Variants in KCNQ3 observed in about 807,000 individuals in gnomAD.
The protein encoded by KCNQ3 is potassium voltage-gated channel subfamily KQT member 3.
Under a neutral mutation model 92.5 loss-of-function variants are expected in KCNQ3, and 30 were observed. That is an observed-to-expected ratio of 0.32 (90% CI 0.24 to 0.44). The LOEUF (loss-of-function observed/expected upper bound fraction) is 0.44, where lower values mean the gene tolerates loss of function less well. Among genes scored for constraint, KCNQ3 ranks in the 20% least tolerant of loss-of-function variants. The pLI is 1.00. For missense variants in KCNQ3, 913 were observed against 1,140.3 expected (o/e 0.80, Z 2.87); for synonymous variants, 450 against 468.8 (o/e 0.96, Z 0.52).
intron 1 of KCNQ3, among the ~76,000 whole-genome samples, chr8:132,386,154 T>C (rs1455541465): frequency 2.0e-5 from 3 of 152,060 alleles, no homozygotes; most frequent in Non-Finnish European, 4.4e-5. Flanking sequence ...GGAAAAGAAA[T>C]GACATTTCAC....
chr8:132,419,761 A>G (rs1820916115), intron 1 of KCNQ3, among the ~76,000 whole-genome samples: 1 of 152,238 alleles, frequency 6.6e-6, no homozygotes, highest in Non-Finnish European at 1.5e-5. Flanking sequence ...CTGAGGCTCA[A>G]AAATCCCGAA....
At chr8:132,228,362 T>C (rs1008525892) in intron 1 of KCNQ3, among the ~76,000 whole-genome samples, 1 of 152,016 alleles carries the variant, frequency 6.6e-6, no homozygotes, top group African/African-American at 2.4e-5. Context: ...ATCCATTCAC[T>C]GAGTTATTGA....
chr8:132,186,905 TGC>T (rs1826973339), intron 1 of KCNQ3, among the ~76,000 whole-genome samples: 1 of 109,478 alleles, frequency 9.1e-6, no homozygotes, highest in African/African-American at 4.3e-5. Flanking sequence ...AACTGTGAGG[TGC>T]GTGTGTGTGT....
At chr8:132,140,702 A>G (rs1214023777) in intron 10 of KCNQ3, 6 of 260,166 alleles carry the variant, frequency 2.3e-5, no homozygotes, top group Non-Finnish European at 3.0e-5. Flanking sequence ...CTCCCTTTGC[A>G]TAAGTAAAAG....
At chr8:132,456,686 C>G (rs2130854667) in intron 1 of KCNQ3, among the ~76,000 whole-genome samples, 1 of 152,054 alleles carries the variant, frequency 6.6e-6, no homozygotes, top group Non-Finnish European at 1.5e-5. Context: ...TGGCAGCTCA[C>G]TGCAAAACTC....
intron 1 of KCNQ3, among the ~76,000 whole-genome samples, chr8:132,298,778 G>A (rs1414851960): frequency 3.3e-5 from 5 of 151,882 alleles, no homozygotes; most frequent in South Asian, 2.1e-4. Context: ...GCATGGTGGC[G>A]GGCACCTGTA....
intron 1 of KCNQ3, among the ~76,000 whole-genome samples, chr8:132,397,540 G>GA (rs924276044): frequency 5.3e-5 from 8 of 152,208 alleles, no homozygotes; most frequent in Non-Finnish European, 1.2e-4. Context: ...GTACAAAGTA[G>GA]ATGCTCATGA....
Position 132,132,222 on chromosome 8 carries a change from T to G in KCNQ3, c.1842A>C (p.Glu614Asp). ...CAAACTTCCCCATCATGCTTTGGTC[T>G]TCGATTTCTGATGTGGATGGTCTGG... ...YVARPSTSEIEDQSMMGKFVK... is the reference protein window; with the variant it reads ...YVARPSTSEIDDQSMMGKFVK... The change falls in exon 14 of 15, where the codon GAA becomes GAC. Residue 614 changes from glutamate to aspartate, a missense_variant. Around this residue, in one of 6 missense-constraint regions of KCNQ3, gnomAD observed 375 missense variants for 376.4 expected, o/e 1.00. Transcript: ENST00000388996. 1 of 1,613,974 alleles carries G rather than the reference T, an allele frequency of 6.2e-7. No homozygotes were observed. Among genetic ancestry groups the G allele is most frequent in the Non-Finnish European group, 8.5e-7 (1 of 1,179,784 alleles).
At chr8:132,199,440 G>A (rs1460803624) in intron 1 of KCNQ3, among the ~76,000 whole-genome samples, 4 of 152,148 alleles carry the variant, frequency 2.6e-5, no homozygotes, top group African/African-American at 9.7e-5. Context: ...GTTTTTTAAA[G>A]ACAAAGTACT....
chr8:132,194,514 GGA>G (rs1239660217), intron 1 of KCNQ3, among the ~76,000 whole-genome samples: 2 of 152,198 alleles, frequency 1.3e-5, no homozygotes, highest in Non-Finnish European at 2.9e-5. Context: ...AAACCCACTA[GGA>G]TGGATTGGTT....
intron 4 of KCNQ3, among the ~76,000 whole-genome samples, chr8:132,177,380 G>T (rs1173953264): frequency 6.6e-6 from 1 of 152,186 alleles, no homozygotes; most frequent in African/African-American, 2.4e-5. Flanking sequence ...TCCTCTACCT[G>T]CTGAGGCTCC....
At chr8:132,434,052 T>TA (rs1801743310) in intron 1 of KCNQ3, among the ~76,000 whole-genome samples, 1 of 151,242 alleles carries the variant, frequency 6.6e-6, no homozygotes, top group African/African-American at 2.4e-5. Context: ...ACTAAAAATA[T>TA]AAAAAATTAG....
chr8:132,244,203 T>C (rs557108216), intron 1 of KCNQ3, among the ~76,000 whole-genome samples: 5 of 152,368 alleles, frequency 3.3e-5, no homozygotes, highest in East Asian at 3.9e-4. Flanking sequence ...AATGACTATC[T>C]TTCATGAACT....
At chr8:132,463,179 G>T (rs568915590) in intron 1 of KCNQ3, among the ~76,000 whole-genome samples, 2 of 152,270 alleles carry the variant, frequency 1.3e-5, no homozygotes, top group South Asian at 4.1e-4. Flanking sequence ...GCTTCAGTTG[G>T]CAACTTCATT....
intron 1 of KCNQ3, among the ~76,000 whole-genome samples, chr8:132,369,027 T>TG: frequency 6.6e-6 from 1 of 152,348 alleles, no homozygotes; most frequent in South Asian, 2.1e-4. Context: ...TTGATGACCC[T>TG]GACAGTTTTG....
chr8:132,205,666 C>T (rs1021170947), intron 1 of KCNQ3, among the ~76,000 whole-genome samples: 3 of 152,162 alleles, frequency 2.0e-5, no homozygotes, highest in African/African-American at 7.2e-5. Flanking sequence ...TAGCCCTAGC[C>T]TCCTTATTTG....
At chr8:132,420,191 C>T (rs1275062047) in intron 1 of KCNQ3, among the ~76,000 whole-genome samples, 1 of 152,116 alleles carries the variant, frequency 6.6e-6, no homozygotes, top group Non-Finnish European at 1.5e-5. Flanking sequence ...GCACTAATCC[C>T]ATTCTTGAAG....
intron 1 of KCNQ3, among the ~76,000 whole-genome samples, chr8:132,216,124 A>G (rs1271025190): frequency 6.6e-6 from 1 of 152,186 alleles, no homozygotes; most frequent in Admixed American, 6.5e-5. Context: ...GCCACAGAAT[A>G]GGGGCCTAGA....
intron 1 of KCNQ3, among the ~76,000 whole-genome samples, chr8:132,292,118 C>T (rs1359163229): frequency 6.6e-6 from 1 of 152,158 alleles, no homozygotes; most frequent in Non-Finnish European, 1.5e-5. Context: ...CCTATTACTA[C>T]TTGAAGTGAT....
Sources: allele counts gnomAD v4.1 joint callset (sites outside exome capture counted in the v4.1 genomes callset), GRCh38; gene constraint gnomAD v4.1.1; regional missense constraint gnomAD v4.1.1; transcripts MANE v1.5; gene names NCBI Gene and HGNC (gene_info 2026-07-23, HGNC 2026-07-21).